The following TSEN2 variants were observed in gnomAD, a reference collection of about 807,000 sequenced individuals.
The protein encoded by TSEN2 is tRNA splicing endonuclease subunit 2, also known as tRNA-splicing endonuclease subunit Sen2.
A neutral mutation model predicts 59.2 loss-of-function variants in TSEN2; 54 were observed. The observed-to-expected ratio is 0.91, with a 90% CI of 0.73 to 1.14. TSEN2 has a LOEUF of 1.14. Among genes scored for constraint, TSEN2 ranks in the 50% most tolerant of loss-of-function variants. The pLI is 0.00. For synonymous variants in TSEN2, 195 were observed against 198.2 expected (o/e 0.98, Z 0.14); for missense variants, 636 against 576.2 (o/e 1.10, Z -1.06).
chr3:12,510,231 C>T (rs1272565490), intron 6 of TSEN2, among the ~76,000 whole-genome samples: 1 of 152,178 alleles, frequency 6.6e-6, no homozygotes, highest in Non-Finnish European at 1.5e-5. Context: ...CCATCCTGTG[C>T]GCAGTGCGAA....
intron 6 of TSEN2, chr3:12,506,777 C>T: frequency 4.1e-6 from 4 of 985,350 alleles, no homozygotes; most frequent in South Asian, 4.7e-5. Context: ...TCTCCAGGAG[C>T]TCTGTGATGG....
chr3:12,499,082 C>A (rs1221508553), intron 4 of TSEN2, among the ~76,000 whole-genome samples: 3 of 152,048 alleles, frequency 2.0e-5, no homozygotes, highest in Non-Finnish European at 4.4e-5. Flanking sequence ...TTTCTGATGC[C>A]TCTGAAATTC....
At chr3:12,530,204 A>G in intron 10 of TSEN2, 1 of 1,130,702 alleles carries the variant, frequency 8.8e-7, no homozygotes, top group Non-Finnish European at 1.1e-6. Flanking sequence ...TTTATACTGC[A>G]ATTTAACATT....
At chr3:12,502,556 CA>C (rs538748472) in intron 4 of TSEN2, among the ~76,000 whole-genome samples, 49 of 145,560 alleles carry the variant, frequency 3.4e-4, no homozygotes, top group South Asian at 2.8e-3. Context: ...AACAATAATA[CA>C]AAAAAAAAAT....
intron 2 of TSEN2, among the ~76,000 whole-genome samples, chr3:12,491,120 A>G (rs935828078): frequency 6.6e-6 from 1 of 152,032 alleles, no homozygotes; most frequent in East Asian, 1.9e-4. Context: ...CCTCCCGAGT[A>G]GTTGGGACTA....
Position 12,485,869 on chromosome 3 carries a change from C to T in TSEN2, c.-18+989C>T, listed in dbSNP as rs1048108032. Among the ~76,000 whole-genome samples, 49 of 152,266 alleles carry T rather than the reference C, an allele frequency of 3.2e-4. 1 individual carries two copies. Among genetic ancestry groups the T allele is most frequent in the African/African-American group, 1.1e-3 (45 of 41,532 alleles). On this transcript the variant is annotated intron_variant, in intron 1 of 11. Coordinates refer to ENST00000284995, the MANE Select transcript of TSEN2 (RefSeq NM_025265.4). ...TCATATCTGTGGAATGAGGATAGTA[C>T]AGTCAGCTCTCGCTATCAGGTTCCG...
At chr3:12,480,531 T>G (rs1391958601), upstream of TSEN2, among the ~76,000 whole-genome samples, 29 of 139,122 alleles carry the variant, frequency 2.1e-4, no homozygotes, top group Middle Eastern at 3.4e-3. Flanking sequence ...TTTCTTTGTT[T>G]TTTTTTTTTT....
upstream of TSEN2, among the ~76,000 whole-genome samples, chr3:12,481,923 G>GTATATATATATATATATATATA (rs10557886): frequency 6.7e-6 from 1 of 148,316 alleles, no homozygotes; most frequent in African/African-American, 2.5e-5. Context: ...GTGTGTCTGC[G>GTATATATATATATATATATATA]TATATATATA....
chr3:12,516,723 A>T, intron 7 of TSEN2, 62 bp downstream of exon 7: 1 of 1,437,462 alleles, frequency 7.0e-7, no homozygotes, highest in Non-Finnish European at 9.8e-7. Context: ...AGCAGGTTGT[A>T]CTAATTTCTA....
chr3:12,537,243 T>A (rs540330452), downstream of TSEN2, among the ~76,000 whole-genome samples: 140 of 152,032 alleles, frequency 9.2e-4, no homozygotes, highest in African/African-American at 3.0e-3. Flanking sequence ...CAAATAATTT[T>A]AAAAAATTAG....
At chr3:12,509,418 T>G (rs1354743417) in intron 6 of TSEN2, among the ~76,000 whole-genome samples, 7 of 152,168 alleles carry the variant, frequency 4.6e-5, no homozygotes, top group Non-Finnish European at 1.0e-4. Context: ...CAGGCTACTC[T>G]CTAACTCCTG....
upstream of TSEN2, among the ~76,000 whole-genome samples, chr3:12,484,102 A>G (rs2052338637): frequency 6.6e-6 from 1 of 152,218 alleles, no homozygotes; most frequent in Non-Finnish European, 1.5e-5. Flanking sequence ...ATTGAGAAAG[A>G]TGAGATCAGT....
In TSEN2 at chr3:12,505,142, CTT is replaced by C. The variant is rs1490843611; in HGVS notation, c.832-10_832-9del. 6.5e-7 allele frequency: 1 copy of C among 1,548,904 alleles called. No homozygotes were observed. The highest frequency in any genetic ancestry group is 1.1e-5 in the South Asian group (1 of 89,686). ...CATTTGTTCTGTATATATTGTATTT[CTT>C]TCTCTTTAGTTGGTGCAAAGAAACA... On this transcript the variant is annotated splice_polypyrimidine_tract_variant and intron_variant, in intron 5 of 11. Transcript: ENST00000284995.
chr3:12,496,340 G>A (rs562902384), intron 3 of TSEN2, among the ~76,000 whole-genome samples, 178 bp from the exon 4 acceptor site: 3 of 152,194 alleles, frequency 2.0e-5, no homozygotes, highest in Non-Finnish European at 2.9e-5. Flanking sequence ...ACCTGCCAAG[G>A]GTATGGGTTC....
rs1362890710 is a variant in TSEN2 at position 12,531,742 on chromosome 3, AC to A, written c.1338+84del. The A allele has an allele frequency of 3.2e-6, 3 of 943,630 alleles. No individual in the cohort carries two copies. In the Admixed American group the frequency reaches 5.6e-5, roughly 18 times the overall value. 58.5% of individuals were successfully genotyped at this position (943,630 alleles called of 1,614,324 possible). ...CTGGAACATGTGGTCCCAAGAAAAT[AC>A]ATGAATACAGTTTTGCCTTGGTAAC... On this transcript the variant is annotated intron_variant, in intron 11 of 11. Coordinates refer to ENST00000284995, the MANE Select transcript of TSEN2 (RefSeq NM_025265.4).
intron 6 of TSEN2, among the ~76,000 whole-genome samples, chr3:12,511,367 C>T (rs1437131777): frequency 6.6e-6 from 1 of 151,982 alleles, no homozygotes; most frequent in East Asian, 1.9e-4. Context: ...TACAAACAGA[C>T]CCATTTATAG....
chr3:12,521,558 T>C (rs1437270080), intron 8 of TSEN2, among the ~76,000 whole-genome samples: 1 of 151,740 alleles, frequency 6.6e-6, no homozygotes. Flanking sequence ...CTAGCACAAA[T>C]ACAGAAATTA....
intron 3 of TSEN2, among the ~76,000 whole-genome samples, chr3:12,493,100 A>G (rs900887640): frequency 6.6e-6 from 1 of 152,178 alleles, no homozygotes; most frequent in Non-Finnish European, 1.5e-5. Flanking sequence ...CATAGTGTCT[A>G]TCAGAACTTC....
intron 8 of TSEN2, among the ~76,000 whole-genome samples, chr3:12,523,731 G>C (rs889365408): frequency 2.0e-5 from 3 of 151,354 alleles, no homozygotes; most frequent in African/African-American, 7.3e-5. Context: ...GTAGAGACAG[G>C]GTTTTGCCAT....
Sources: gnomAD v4.1 joint callset for allele counts (sites outside exome capture counted in the v4.1 genomes callset) on GRCh38, gnomAD v4.1.1 for gene constraint, MANE v1.5 for transcripts, NCBI Gene and HGNC (gene_info 2026-07-23, HGNC 2026-07-21) for gene names.